Variants in PTPRR observed in about 807,000 individuals in gnomAD.
PTPRR encodes the protein receptor-type tyrosine-protein phosphatase R.
A neutral mutation model predicts 77.2 loss-of-function variants in PTPRR; 38 were observed. The ratio of observed to expected loss-of-function variants is 0.49; its 90% CI spans 0.38 to 0.65. The LOEUF is 0.65. PTPRR is among the 30% of genes least tolerant of loss of function. The pLI is 0.00. For synonymous variants in PTPRR, 299 were observed against 283.1 expected (o/e 1.06, Z -0.57); for missense variants, 744 against 799.2 (o/e 0.93, Z 0.83).
intron 13 of PTPRR, among the ~76,000 whole-genome samples, chr12:70,655,438 G>A (rs1196450029): frequency 6.6e-6 from 1 of 152,174 alleles, no homozygotes; most frequent in Non-Finnish European, 1.5e-5. Context: ...ACAGATATTT[G>A]CATACGCATG....
rs1887234947 is a variant in PTPRR at position 70,671,787 on chromosome 12, AG to A, written c.1498-9183del. ...TGTGTCACTCTGAAATACATATTTG[AG>A]GCTGCTGCATGCAGTTCCCCGGCTA... On this transcript the variant is annotated intron_variant, in intron 10 of 13. Transcript: ENST00000283228. The A allele has an allele frequency of 5.6e-6, 3 of 536,436 alleles. No individual in the cohort carries two copies. The African/African-American group carries it at 5.7e-5, about 10-fold the overall frequency. 33.2% of individuals were successfully genotyped at this position (536,436 alleles called of 1,614,324 possible).
chr12:70,762,143 C>G (rs1890706292), intron 3 of PTPRR, among the ~76,000 whole-genome samples: 2 of 152,154 alleles, frequency 1.3e-5, no homozygotes, highest in South Asian at 4.1e-4. Flanking sequence ...TTCTTCACGT[C>G]AAATATGTCA....
At chr12:70,837,743 A>G (rs1050557394) in intron 2 of PTPRR, among the ~76,000 whole-genome samples, 12 of 151,990 alleles carry the variant, frequency 7.9e-5, no homozygotes, top group African/African-American at 2.9e-4. Context: ...AGGCATGATG[A>G]TTAAGTCATT....
At chr12:70,869,341 A>T (rs1321592263) in intron 2 of PTPRR, among the ~76,000 whole-genome samples, 1 of 152,098 alleles carries the variant, frequency 6.6e-6, no homozygotes, top group Non-Finnish European at 1.5e-5. Context: ...GTGCAGATTG[A>T]CCTGGCAATC....
chr12:70,893,970 G>C (rs565517167), intron 1 of PTPRR, among the ~76,000 whole-genome samples: 2 of 151,690 alleles, frequency 1.3e-5, no homozygotes, highest in South Asian at 4.2e-4. Flanking sequence ...ATTGAATAAT[G>C]GCTTCTCCTG....
chr12:70,647,903 T>C (rs1002191584), intron 13 of PTPRR, among the ~76,000 whole-genome samples: 1 of 152,234 alleles, frequency 6.6e-6, no homozygotes, highest in Non-Finnish European at 1.5e-5. Context: ...TATTAATAAG[T>C]AATCTAAACT....
At chr12:70,670,528 C>T (rs905877859) in intron 10 of PTPRR, among the ~76,000 whole-genome samples, 8 of 152,182 alleles carry the variant, frequency 5.3e-5, no homozygotes, top group African/African-American at 1.9e-4. Flanking sequence ...TCAAATTGTG[C>T]TTAGCACATA....
intron 2 of PTPRR, among the ~76,000 whole-genome samples, chr12:70,852,672 A>C (rs1457623127): frequency 6.6e-6 from 1 of 152,190 alleles, no homozygotes; most frequent in Non-Finnish European, 1.5e-5. Context: ...GAATAGTGGA[A>C]TAGACAACAG....
chr12:70,666,935 G>GTTTTTTTTTTT lies in PTPRR; in HGVS notation c.1498-4341_1498-4331dup, dbSNP rs142691396. Among the ~76,000 whole-genome samples the GTTTTTTTTTTT allele has an allele frequency of 5.3e-3, 153 of 29,046 alleles. 56 individuals carry two copies. Among genetic ancestry groups the GTTTTTTTTTTT allele is most frequent in the Non-Finnish European group, 0.011 (125 of 10,902 alleles). The allele number at this position is 29,046 out of a possible 152,430, so 19.1% of individuals were successfully genotyped here. A position where few individuals can be genotyped will look rare whatever the true frequency, so the allele number is the denominator to read the frequency against. ...TTTTTGATTAACTGTGTGTTTTTCTGTTTTTTTTTTTTTTTTTTTTTTTTT... is the reference window on the plus strand; with the variant it reads ...TTTTTGATTAACTGTGTGTTTTTCTGTTTTTTTTTTTTTTTTTTTTTTTTTTTTTTTTTTTT... On this transcript the variant is annotated intron_variant, in intron 10 of 13. Transcript: ENST00000283228.
At chr12:70,644,925 G>A (rs953792643) in intron 13 of PTPRR, among the ~76,000 whole-genome samples, 10 of 152,134 alleles carry the variant, frequency 6.6e-5, no homozygotes, top group Admixed American at 2.0e-4. Context: ...AACTTACTTA[G>A]CTAAATGATT....
rs540152706 is a variant in PTPRR, at chr12:70,832,331, C to A, written c.357+60348G>T. 5.9e-5 allele frequency among the ~76,000 whole-genome samples: 9 copies of A among 152,250 alleles called. No homozygotes were observed. The South Asian group carries it at 1.7e-3, about 28-fold the overall frequency. ...GGAAGCAGGCTCTATGCTGCTAGAT[C>A]AGTTTTTTTCCAAGAGAAGGTCAAC... On this transcript the variant is annotated intron_variant, in intron 2 of 13. Transcript: ENST00000283228.
chr12:70,887,407 G>A (rs769314083), intron 2 of PTPRR, among the ~76,000 whole-genome samples: 2 of 151,860 alleles, frequency 1.3e-5, no homozygotes, highest in Non-Finnish European at 2.9e-5. Context: ...AGCCAAGATC[G>A]CACCACTGCA....
At chr12:70,893,624 T>C (rs1181370683) in intron 1 of PTPRR, among the ~76,000 whole-genome samples, 3 of 151,950 alleles carry the variant, frequency 2.0e-5, no homozygotes, top group Admixed American at 6.6e-5. Flanking sequence ...TTATAGCTAT[T>C]GGAATGTGAG....
chr12:70,882,202 A>T (rs1052010721), intron 2 of PTPRR, among the ~76,000 whole-genome samples: 2 of 152,228 alleles, frequency 1.3e-5, no homozygotes, highest in African/African-American at 4.8e-5. Context: ...AGAGATCTCC[A>T]AATCTAGAAG....
intron 2 of PTPRR, among the ~76,000 whole-genome samples, chr12:70,874,829 G>A (rs1390837089): frequency 6.6e-6 from 1 of 151,364 alleles, no homozygotes; most frequent in Non-Finnish European, 1.5e-5. Flanking sequence ...GCCTGAGGCA[G>A]GGGAATCGCT....
Position 70,701,872 on chromosome 12 carries a change from C to T in PTPRR, c.1008-549G>A, listed in dbSNP as rs543139865. On this transcript the variant is annotated intron_variant, in intron 6 of 13. Transcript: ENST00000283228. ...CTTGTAGTCTCAGCTACTAGGGAGG[C>T]TGAGGTGAGAGAATCATTTGAGCCC... Among the ~76,000 whole-genome samples the T allele has an allele frequency of 5.3e-5, 8 of 152,166 alleles. No homozygotes were observed. The East Asian group carries it at 1.5e-3, about 29-fold the overall frequency.
chr12:70,879,085 C>A (rs1401477267), intron 2 of PTPRR, among the ~76,000 whole-genome samples: 1 of 151,952 alleles, frequency 6.6e-6, no homozygotes, highest in African/African-American at 2.4e-5. Flanking sequence ...GGGAACATCA[C>A]ACACCAGGGC....
intron 13 of PTPRR, among the ~76,000 whole-genome samples, chr12:70,654,933 C>A (rs1306054422): frequency 6.6e-6 from 1 of 152,204 alleles, no homozygotes; most frequent in Non-Finnish European, 1.5e-5. Flanking sequence ...GCGAGAGCCA[C>A]CATACCTAGC....
chr12:70,836,355 C>A (rs1471264222), intron 2 of PTPRR, among the ~76,000 whole-genome samples: 1 of 151,366 alleles, frequency 6.6e-6, no homozygotes, highest in Non-Finnish European at 1.5e-5. Context: ...ATCTGCCTGC[C>A]TGGAAACGCC....
Sources: allele counts gnomAD v4.1 joint callset (sites outside exome capture counted in the v4.1 genomes callset), GRCh38; gene constraint gnomAD v4.1.1; transcripts MANE v1.5; gene names NCBI Gene and HGNC (gene_info 2026-07-23, HGNC 2026-07-21).